Variants in CACNA1C observed in about 807,000 individuals in gnomAD.
CACNA1C encodes the protein calcium voltage-gated channel subunit alpha1 C.
Under a neutral mutation model 229.0 loss-of-function variants are expected in CACNA1C, and 30 were observed. The observed-to-expected ratio is 0.13, with a 90% CI of 0.10 to 0.18. The LOEUF is 0.18. Among genes scored for constraint, CACNA1C ranks in the 10% least tolerant of loss-of-function variants. The pLI is 1.00. For synonymous variants in CACNA1C, 1,114 were observed against 1,132.5 expected, an observed-to-expected ratio of 0.98 and a Z score of 0.33; for missense variants, 1,658 against 2,845.0, an observed-to-expected ratio of 0.58 and a Z score of 9.49.
chr12:2,653,719 G>T lies in CACNA1C; in HGVS notation c.4075-116G>T. Reference sequence around the variant, plus strand: ...GTGGGACTCTTGGAAGTGTCCCCCGGCCCAAACCGGGCAATAGCTGATGGC... The same window carrying T: ...GTGGGACTCTTGGAAGTGTCCCCCGTCCCAAACCGGGCAATAGCTGATGGC... On this transcript the variant is annotated intron_variant, in intron 32 of 46. Transcript: ENST00000399655. The surrounding 1 kb of genome is among the most constrained non-coding windows in gnomAD (Gnocchi z 4.7). 2 of 849,012 alleles carry T rather than the reference G, an allele frequency of 2.4e-6. No homozygotes were observed. Among genetic ancestry groups the T allele is most frequent in the South Asian group, 2.9e-5 (2 of 69,640 alleles). 52.6% of individuals were successfully genotyped at this position (849,012 alleles called of 1,614,324 possible). A position where few individuals can be genotyped will look rare whatever the true frequency, so the allele number is the denominator to read the frequency against.
At chr12:2,124,364 A>G (rs564483500) in intron 3 of CACNA1C, among the ~76,000 whole-genome samples, 2 of 152,276 alleles carry the variant, frequency 1.3e-5, no homozygotes, top group South Asian at 4.1e-4. Context: ...AGAGGATGCC[A>G]TAAGAGATAC....
rs527629850 is a variant in CACNA1C at position 2,279,664 on chromosome 12, A to G, written c.477+159234A>G. 2.0e-5 allele frequency among the ~76,000 whole-genome samples: 3 copies of G among 152,360 alleles called. No individual in the cohort carries two copies. In the South Asian group the frequency reaches 6.2e-4, roughly 32 times the overall value. ...GTCCTTTTGACTGTGTTAGTATCGT[A>G]TAGTTGGTCCTTTGTATTCTCAGGT... On this transcript the variant is annotated intron_variant, in intron 3 of 46. Coordinates refer to ENST00000399655, the MANE Select transcript of CACNA1C (RefSeq NM_000719.7).
intron 5 of CACNA1C, among the ~76,000 whole-genome samples, chr12:2,470,901 C>T (rs1261831473): frequency 1.3e-5 from 2 of 151,900 alleles, no homozygotes; most frequent in African/African-American, 2.4e-5. Flanking sequence ...GTCAAGATCT[C>T]GGCTCACTGC....
At chr12:2,507,854 A>T (rs2099775132) in intron 8 of CACNA1C, among the ~76,000 whole-genome samples, 1 of 152,094 alleles carries the variant, frequency 6.6e-6, no homozygotes, top group East Asian at 1.9e-4. Context: ...TCTGTGGTGT[A>T]CTCTCCCCAA....
At chr12:2,643,135 A>AT (rs2093921885) in intron 30 of CACNA1C, among the ~76,000 whole-genome samples, 1 of 152,228 alleles carries the variant, frequency 6.6e-6, no homozygotes, top group Admixed American at 6.5e-5. Context: ...GGAGTTCTGA[A>AT]GGGGCATTTC....
chr12:2,533,335 G>A (rs2099845453), intron 9 of CACNA1C, among the ~76,000 whole-genome samples: 1 of 152,220 alleles, frequency 6.6e-6, no homozygotes, highest in Admixed American at 6.5e-5. Flanking sequence ...GAGCTCATGG[G>A]TGGGTGGCTG....
intron 3 of CACNA1C, among the ~76,000 whole-genome samples, chr12:2,368,755 T>C (rs907569551): frequency 6.6e-6 from 1 of 152,248 alleles, no homozygotes; most frequent in Admixed American, 6.5e-5. Context: ...TCTTTGTTTA[T>C]ATTTTGGTTT....
intron 45 of CACNA1C, among the ~76,000 whole-genome samples, chr12:2,687,304 G>A (rs1039657468): frequency 6.6e-6 from 1 of 152,158 alleles, no homozygotes. Context: ...TGTTCTTGTC[G>A]TACTGGTAGG....
At chr12:2,508,372 C>T (rs1359194982) in intron 8 of CACNA1C, among the ~76,000 whole-genome samples, 1 of 152,244 alleles carries the variant, frequency 6.6e-6, no homozygotes, top group African/African-American at 2.4e-5. Context: ...AAATTCAGGG[C>T]TGCGCATGGT....
At position 2,342,040 on chromosome 12, in the gene CACNA1C, A is replaced by T. The variant is rs188897201; in HGVS notation, c.478-106936A>T. Among the ~76,000 whole-genome samples, 83 of 152,358 alleles carry T rather than the reference A, an allele frequency of 5.4e-4. 1 individual carries two copies. Among genetic ancestry groups the T allele is most frequent in the Non-Finnish European group, 2.8e-4 (19 of 68,032 alleles). On this transcript the variant is annotated intron_variant, in intron 3 of 46. Transcript: ENST00000399655. ...ATGATGGTGAGGTATTACAGGGCCCAGTCATTTGTTAGGAAATAAAACCAG... is the reference window on the plus strand; with the variant it reads ...ATGATGGTGAGGTATTACAGGGCCCTGTCATTTGTTAGGAAATAAAACCAG...
chr12:2,602,815 A>G lies in CACNA1C; in HGVS notation c.2960+855A>G, dbSNP rs1426556373. ...AGTTTCTACCAAGTTCTAACAGCTG[A>G]TAGTGTGAATCCTACACTTTAACTT... On this transcript the variant is annotated intron_variant, in intron 22 of 46. Transcript: ENST00000399655. This position sits in a 1 kb window ranked among gnomAD's most constrained non-coding sequence, Gnocchi z 4.4. 6.6e-6 allele frequency among the ~76,000 whole-genome samples: 1 copy of G among 152,146 alleles called. No individual in the cohort carries two copies. The highest frequency in any genetic ancestry group is 6.5e-5 in the Admixed American group (1 of 15,280).
chr12:2,650,948 G>A (rs1326269818), intron 31 of CACNA1C: 1 of 152,738 alleles, frequency 6.5e-6, no homozygotes, highest in African/African-American at 2.4e-5. Context: ...AGGGGAGTAG[G>A]AGGGCAACAG....
chr12:2,439,707 G>A (rs1055735815), intron 3 of CACNA1C, among the ~76,000 whole-genome samples: 1 of 151,726 alleles, frequency 6.6e-6, no homozygotes, highest in Non-Finnish European at 1.5e-5. Context: ...AGATAAGTTT[G>A]AGAAGGGTTT....
chr12:2,628,344 C>A (rs1602690239), intron 29 of CACNA1C, among the ~76,000 whole-genome samples: 1 of 152,328 alleles, frequency 6.6e-6, no homozygotes, highest in Non-Finnish European at 1.5e-5. Flanking sequence ...TCGAGTCTTA[C>A]AAAATGCAGC....
At chr12:2,495,887 C>T (rs1287408165) in intron 7 of CACNA1C, among the ~76,000 whole-genome samples, 1 of 152,242 alleles carries the variant, frequency 6.6e-6, no homozygotes. Context: ...GATAGAAGCC[C>T]TGCCTAGCCC....
rs1292684206 is a variant in CACNA1C at position 2,464,885 on chromosome 12, T to C, written c.757+7179T>C. Among the ~76,000 whole-genome samples, 3 of 152,176 alleles carry C rather than the reference T, an allele frequency of 2.0e-5. No individual in the cohort carries two copies. The East Asian group carries it at 5.8e-4, about 29-fold the overall frequency. ...ATCAGCACCAGTTAGTAGACAAATA[T>C]CTGTGGAGTGGATACCATATAGAAG... On this transcript the variant is annotated intron_variant, in intron 5 of 46. Transcript: ENST00000399655.
At chr12:2,442,713 T>C (rs1596379177) in intron 3 of CACNA1C, among the ~76,000 whole-genome samples, 1 of 152,208 alleles carries the variant, frequency 6.6e-6, no homozygotes, top group Admixed American at 6.5e-5. Context: ...CATCTGCTTC[T>C]GGGGAGGCCT....
chr12:2,594,806 G>C (rs1244939211), intron 19 of CACNA1C, among the ~76,000 whole-genome samples: 2 of 152,206 alleles, frequency 1.3e-5, no homozygotes, highest in African/African-American at 2.4e-5. Flanking sequence ...AAGACCTAAA[G>C]TAGGTCTGGG....
Position 2,694,415 on chromosome 12 carries a change from T to G in CACNA1C, c.*3216T>G, listed in dbSNP as rs1451202553. 2 of 152,224 alleles carry G rather than the reference T, an allele frequency of 1.3e-5. No homozygotes were observed. Among genetic ancestry groups the G allele is most frequent in the South Asian group, 2.1e-4 (1 of 4,830 alleles). The allele number at this position is 152,224 out of a possible 1,614,324, so 9.4% of individuals were successfully genotyped here. On this transcript the variant is annotated 3_prime_UTR_variant, in exon 47 of 47. Transcript: ENST00000399655. ...CCAAGGGACTTGAAGAAACAACAGT[T>G]TAAGGTCTGCAGTTTGGTCAACTTA... is the stretch of plus-strand genomic sequence containing the variant.
Sources: allele counts gnomAD v4.1 joint callset (sites outside exome capture counted in the v4.1 genomes callset), GRCh38; gene constraint gnomAD v4.1.1; non-coding constraint Gnocchi (gnomAD v3.1); transcripts MANE v1.5; gene names NCBI Gene and HGNC (gene_info 2026-07-23, HGNC 2026-07-21).